The following SIPA1L2 variants were observed in gnomAD, a reference collection of about 807,000 sequenced individuals.
SIPA1L2 encodes the protein signal-induced proliferation-associated 1-like protein 2.
SIPA1L2 carries 56 observed loss-of-function variants against 163.9 expected under a neutral mutation model. The observed-to-expected ratio is 0.34, with a 90% confidence interval of 0.28 to 0.43. The LOEUF (loss-of-function observed/expected upper bound fraction) is 0.43, where lower values mean the gene tolerates loss of function less well. SIPA1L2 is among the 20% of genes least tolerant of loss of function. The probability of loss-of-function intolerance (pLI) is 1.00; values close to 1 mark genes in which losing one functional copy is unlikely to be tolerated. For synonymous variants in SIPA1L2, 877 were observed against 865.7 expected, an observed-to-expected ratio of 1.01 and a Z score of -0.23; for missense variants, 1,974 against 2,193.5, an observed-to-expected ratio of 0.90 and a Z score of 2.00.
At chr1:232,402,537 G>A (rs1192867644) in intron 21 of SIPA1L2, 64 bp from the exon 22 acceptor site, 3 of 1,403,478 alleles carry the variant, frequency 2.1e-6, no homozygotes, top group East Asian at 4.7e-5. Flanking sequence ...TGTTGGTCAA[G>A]TTTTCACTCG....
At position 232,581,460 on chromosome 1, in the gene SIPA1L2, G is replaced by C. The variant is rs563332609; in HGVS notation, c.-318-7238C>G. Among the ~76,000 whole-genome samples, 8 of 152,248 alleles carry C rather than the reference G, an allele frequency of 5.3e-5. 1 individual carries two copies. In the South Asian group the frequency reaches 1.7e-3, roughly 32 times the overall value. On this transcript the variant is annotated intron_variant, in intron 1 of 22. Coordinates refer to ENST00000674635, the MANE Select transcript of SIPA1L2 (RefSeq NM_020808.5). ...GGAAGGCAGAGCAAGGACAGAGAGA[G>C]AGAGGAAAAAAGAGGCCTTCTGACA...
chr1:232,566,408 C>G lies in SIPA1L2; in HGVS notation c.-270+7766G>C, dbSNP rs145489982. On this transcript the variant is annotated intron_variant, in intron 2 of 22. Coordinates refer to ENST00000674635, the MANE Select transcript of SIPA1L2 (RefSeq NM_020808.5). Reference sequence around the variant, plus strand: ...AAACAAACAAAGGAAAGAAAATAAACCATGCATACTGAGACTTAACTTATA... The same window carrying G: ...AAACAAACAAAGGAAAGAAAATAAAGCATGCATACTGAGACTTAACTTATA... 4.1e-4 allele frequency among the ~76,000 whole-genome samples: 63 copies of G among 152,248 alleles called. 1 individual carries two copies. The highest frequency in any genetic ancestry group is 1.5e-3 in the African/African-American group (61 of 41,538).
At chr1:232,520,720 T>A (rs1225707710) in intron 2 of SIPA1L2, among the ~76,000 whole-genome samples, 1 of 151,968 alleles carries the variant, frequency 6.6e-6, no homozygotes, top group Non-Finnish European at 1.5e-5. Context: ...TCCCAACAGC[T>A]CTAATACTAA....
At chr1:232,436,687 G>T (rs1662582550) in intron 15 of SIPA1L2, among the ~76,000 whole-genome samples, 1 of 152,206 alleles carries the variant, frequency 6.6e-6, no homozygotes, top group Non-Finnish European at 1.5e-5. Flanking sequence ...GGCTTGATAG[G>T]TTGGTCCCTC....
At chr1:232,497,377 G>C (rs1170126251) in intron 3 of SIPA1L2, among the ~76,000 whole-genome samples, 1 of 144,522 alleles carries the variant, frequency 6.9e-6, no homozygotes, top group Non-Finnish European at 1.5e-5. Context: ...AGGGCCAGTG[G>C]TCCTTGCAAA....
chr1:232,541,855 A>T (rs1239834663), intron 2 of SIPA1L2, among the ~76,000 whole-genome samples: 3 of 3,364 alleles, frequency 8.9e-4, no homozygotes, highest in Non-Finnish European at 1.3e-3. Flanking sequence ...CTACAGATTT[A>T]AAAAAAAAAA....
At chr1:232,458,804 C>T (rs1463444230) in intron 10 of SIPA1L2, among the ~76,000 whole-genome samples, 5 of 152,046 alleles carry the variant, frequency 3.3e-5, no homozygotes, top group Admixed American at 6.5e-5. Flanking sequence ...GCTTTTAAGG[C>T]CTAAAGGATT....
At chr1:232,547,164 A>C (rs1207011904) in intron 2 of SIPA1L2, among the ~76,000 whole-genome samples, 1 of 152,226 alleles carries the variant, frequency 6.6e-6, no homozygotes, top group Non-Finnish European at 1.5e-5. Flanking sequence ...GACAGTATGA[A>C]TATATCTCTC....
chr1:232,449,415 G>C (rs1425926265), intron 10 of SIPA1L2, among the ~76,000 whole-genome samples: 1 of 151,868 alleles, frequency 6.6e-6, no homozygotes, highest in Non-Finnish European at 1.5e-5. Flanking sequence ...CTACTCGGGA[G>C]GCTGAGGCAG....
At chr1:232,461,252 C>A (rs529239269) in intron 9 of SIPA1L2, 91 bp from the exon 10 acceptor site, 15 of 1,516,478 alleles carry the variant, frequency 9.9e-6, no homozygotes, top group Non-Finnish European at 1.1e-5. Context: ...TCCATGCCAG[C>A]CCTCTCCCTT....
chr1:232,581,050 C>T (rs900905844), intron 1 of SIPA1L2, among the ~76,000 whole-genome samples: 14 of 152,134 alleles, frequency 9.2e-5, no homozygotes, highest in Non-Finnish European at 4.4e-5. Flanking sequence ...AAATCTCCTC[C>T]TCCACCCATG....
At chr1:232,572,762 TATATATATATATATA>T (rs1558277754) in intron 2 of SIPA1L2, among the ~76,000 whole-genome samples, 7 of 117,990 alleles carry the variant, frequency 5.9e-5, no homozygotes, top group East Asian at 4.4e-4. Flanking sequence ...TATATATATA[TATATATATATATATA>T]TATTTATTTA....
At chr1:232,436,384 C>T (rs1662563402) in intron 15 of SIPA1L2, among the ~76,000 whole-genome samples, 1 of 152,188 alleles carries the variant, frequency 6.6e-6, no homozygotes, top group Admixed American at 6.5e-5. Context: ...GGGGTGGGTG[C>T]TGTGAAGAAA....
chr1:232,460,062 G>A (rs12135149), intron 10 of SIPA1L2, among the ~76,000 whole-genome samples: 24,618 of 152,048 alleles, frequency 0.16, 2,287 homozygotes, highest in Non-Finnish European at 0.21. Context: ...CTGCCTGTAC[G>A]AACTCCATTT....
intron 5 of SIPA1L2, among the ~76,000 whole-genome samples, chr1:232,489,978 T>A (rs946395584): frequency 6.6e-6 from 1 of 152,146 alleles, no homozygotes; most frequent in Non-Finnish European, 1.5e-5. Flanking sequence ...GATCTCCACA[T>A]AGCCATCAGT....
rs747815896 is a variant in SIPA1L2 at position 232,514,004 on chromosome 1, G to A, written c.1336C>T (p.Leu446Phe). The A allele has an allele frequency of 6.2e-7, 1 of 1,614,228 alleles. No homozygotes were observed. The highest frequency in any genetic ancestry group is 1.1e-5 in the South Asian group (1 of 91,088). ...SGESCSFESS[L>F]SSHCTNAGVS... is the part of the protein sequence containing the mutation. The stretch of plus-strand genomic sequence containing the variant: ...CCTGCATTTGTGCAGTGAGAGCTGA[G>A]TGACGATTCGAAAGAGCAGCTTTCC... The change falls in exon 3 of 23, where the codon CTC (leucine) becomes TTC (phenylalanine). Residue 446 changes from leucine (L) to phenylalanine (F), a missense_variant. Transcript: ENST00000674635.
chr1:232,459,059 G>C (rs1664085209), intron 10 of SIPA1L2, among the ~76,000 whole-genome samples: 1 of 152,168 alleles, frequency 6.6e-6, no homozygotes, highest in South Asian at 2.1e-4. Flanking sequence ...CAGAAAGTGA[G>C]GCTGGAGGCA....
chr1:232,446,448 G>A (rs931318091), intron 10 of SIPA1L2, among the ~76,000 whole-genome samples: 1 of 152,100 alleles, frequency 6.6e-6, no homozygotes, highest in Non-Finnish European at 1.5e-5. Context: ...TTTCACACAT[G>A]GGCCAAAACT....
At chr1:232,494,365 C>A (rs139912251) in intron 3 of SIPA1L2, among the ~76,000 whole-genome samples, 71 of 152,316 alleles carry the variant, frequency 4.7e-4, no homozygotes, top group African/African-American at 1.5e-3. Flanking sequence ...GCACCTGAGG[C>A]CATACTGTCC....
Sources: gnomAD v4.1 joint callset for allele counts (sites outside exome capture counted in the v4.1 genomes callset) on GRCh38, gnomAD v4.1.1 for gene constraint, MANE v1.5 for transcripts, NCBI Gene and HGNC (gene_info 2026-07-23, HGNC 2026-07-21) for gene names.